The following RALYL variants were observed in gnomAD, a reference collection of about 807,000 sequenced individuals.
RALYL encodes RALY RNA binding protein like.
In RALYL, 29 loss-of-function variants were observed where a neutral mutation model predicts 35.1. The observed-to-expected ratio is 0.83, with a 90% CI of 0.61 to 1.13. The LOEUF (loss-of-function observed/expected upper bound fraction) is 1.13, where lower values mean the gene tolerates loss of function less well. RALYL is among the 50% of genes most tolerant of loss of function. RALYL has a pLI of 0.00. For synonymous variants in RALYL, 120 were observed against 127.6 expected (o/e 0.94, Z 0.40); for missense variants, 359 against 360.4 (o/e 1.00, Z 0.03).
chr8:84,896,464 A>G (rs976185822), intron 8 of RALYL, among the ~76,000 whole-genome samples: 2 of 152,206 alleles, frequency 1.3e-5, no homozygotes, highest in African/African-American at 4.8e-5. Context: ...TTAAAGCTTT[A>G]GCCAGGCTAT....
intron 5 of RALYL, among the ~76,000 whole-genome samples, chr8:84,854,964 G>A (rs1350264214): frequency 6.6e-6 from 1 of 152,168 alleles, no homozygotes; most frequent in South Asian, 2.1e-4. Context: ...CTTTGAGGGA[G>A]CGTGGAGTGG....
intron 1 of RALYL, among the ~76,000 whole-genome samples, chr8:84,449,049 A>T (rs1441955449): frequency 6.6e-6 from 1 of 151,166 alleles, no homozygotes; most frequent in Non-Finnish European, 1.5e-5. Flanking sequence ...AGCTTGTAGC[A>T]CAGGGCTTTG....
chr8:84,818,138 GA>G (rs1827774886), intron 4 of RALYL, among the ~76,000 whole-genome samples: 1 of 151,926 alleles, frequency 6.6e-6, no homozygotes, highest in African/African-American at 2.4e-5. Context: ...AGAGAGACAA[GA>G]AAAAAAGCAA....
intron 5 of RALYL, among the ~76,000 whole-genome samples, chr8:84,859,543 C>G (rs1449583662): frequency 6.6e-6 from 1 of 152,072 alleles, no homozygotes; most frequent in Non-Finnish European, 1.5e-5. Context: ...TAAAACGTTA[C>G]CCAATACCTT....
intron 1 of RALYL, among the ~76,000 whole-genome samples, chr8:84,187,389 T>A (rs1812787152): frequency 6.6e-6 from 1 of 152,096 alleles, no homozygotes; most frequent in Non-Finnish European, 1.5e-5. Flanking sequence ...CTTTTCATCA[T>A]TGAAGATTAA....
chr8:84,198,273 G>A (rs72696314), intron 1 of RALYL, among the ~76,000 whole-genome samples: 264 of 152,296 alleles, frequency 1.7e-3, no homozygotes, highest in Non-Finnish European at 3.2e-3. Context: ...TACATTTGTA[G>A]AGGGCTTTAT....
At chr8:84,352,888 C>G (rs1296450815) in intron 1 of RALYL, among the ~76,000 whole-genome samples, 1 of 149,822 alleles carries the variant, frequency 6.7e-6, no homozygotes, top group Non-Finnish European at 1.5e-5. Flanking sequence ...CGTTTTTTTA[C>G]TCTGCAAAAA....
At chr8:84,273,477 T>A (rs1180210990) in intron 1 of RALYL, among the ~76,000 whole-genome samples, 1 of 152,246 alleles carries the variant, frequency 6.6e-6, no homozygotes, top group Admixed American at 6.5e-5. Context: ...AGTAAACTGT[T>A]ACCCCTGCCA....
chr8:84,684,683 A>G (rs2132044535), intron 2 of RALYL, among the ~76,000 whole-genome samples: 1 of 152,332 alleles, frequency 6.6e-6, no homozygotes, highest in Non-Finnish European at 1.5e-5. Context: ...TCGTGTAAGA[A>G]TTGGCATGAC....
chr8:84,483,956 T>C (rs1044084126), intron 1 of RALYL, among the ~76,000 whole-genome samples: 6 of 152,144 alleles, frequency 3.9e-5, no homozygotes, highest in Admixed American at 6.6e-5. Context: ...AATTGAGATA[T>C]GTAAATTTTT....
At chr8:84,205,931 G>A (rs1304936487) in intron 1 of RALYL, among the ~76,000 whole-genome samples, 1 of 152,146 alleles carries the variant, frequency 6.6e-6, no homozygotes, top group Non-Finnish European at 1.5e-5. Flanking sequence ...TTGGCTTGCA[G>A]ATGGCCACAT....
intron 7 of RALYL, among the ~76,000 whole-genome samples, chr8:84,883,824 G>A (rs1842541751): frequency 6.6e-6 from 1 of 151,984 alleles, no homozygotes; most frequent in Middle Eastern, 3.2e-3. Context: ...TTTGTCTATA[G>A]CAATCAAGAA....
intron 2 of RALYL, among the ~76,000 whole-genome samples, chr8:84,715,513 C>A (rs557955689): frequency 3.3e-5 from 5 of 151,920 alleles, no homozygotes; most frequent in Non-Finnish European, 4.4e-5. Flanking sequence ...ATATCCCTAC[C>A]CTTTAAATCA....
At chr8:84,903,515 A>AAC (rs1488984712) in intron 8 of RALYL, among the ~76,000 whole-genome samples, 10 of 152,234 alleles carry the variant, frequency 6.6e-5, no homozygotes, top group Middle Eastern at 3.4e-3. Flanking sequence ...CAGGTGACTG[A>AAC]ACACACACAC....
chr8:84,559,220 T>G (rs1217887529), intron 2 of RALYL, among the ~76,000 whole-genome samples: 5 of 152,052 alleles, frequency 3.3e-5, no homozygotes, highest in African/African-American at 1.2e-4. Context: ...TTGAAGTGTT[T>G]TTAATAGTGG....
intron 1 of RALYL, among the ~76,000 whole-genome samples, chr8:84,507,174 G>A (rs574376610): frequency 3.3e-5 from 5 of 152,058 alleles, no homozygotes; most frequent in South Asian, 2.1e-4. Flanking sequence ...CAGTTACTAG[G>A]ATACTATCAC....
At chr8:84,427,815 G>C (rs1343183211) in intron 1 of RALYL, among the ~76,000 whole-genome samples, 2 of 152,108 alleles carry the variant, frequency 1.3e-5, no homozygotes, top group African/African-American at 2.4e-5. Context: ...TTTTCACATT[G>C]TCTTGTAATT....
intron 2 of RALYL, among the ~76,000 whole-genome samples, chr8:84,614,443 G>T (rs777690815): frequency 5.3e-5 from 8 of 151,574 alleles, no homozygotes; most frequent in Non-Finnish European, 8.8e-5. Context: ...ATGGAAGAGT[G>T]GTCACTAAAC....
In RALYL at chr8:84,708,509, A is replaced by T. The variant is rs1163199257; in HGVS notation, c.257-66070A>T. Among the ~76,000 whole-genome samples, 3 of 152,170 alleles carry T rather than the reference A, an allele frequency of 2.0e-5. No individual in the cohort carries two copies. The East Asian group carries it at 5.8e-4, about 29-fold the overall frequency. ...AGAATATTTTGAGTGGTATTAAAAA[A>T]TGTTTGCATATATCAGATGCTGATA... On this transcript the variant is annotated intron_variant, in intron 2 of 8. Coordinates refer to ENST00000521268, the MANE Select transcript of RALYL (RefSeq NM_173848.7).
Sources: gnomAD v4.1 joint callset for allele counts (sites outside exome capture counted in the v4.1 genomes callset) on GRCh38, gnomAD v4.1.1 for gene constraint, MANE v1.5 for transcripts, NCBI Gene and HGNC (gene_info 2026-07-23, HGNC 2026-07-21) for gene names.